Variants in AKR1E2 observed in about 807,000 individuals in gnomAD.
AKR1E2 encodes the protein 1,5-anhydro-D-fructose reductase.
Under a neutral mutation model 41.9 loss-of-function variants are expected in AKR1E2, and 43 were observed. The observed-to-expected ratio is 1.03, with a 90% CI of 0.80 to 1.32. The LOEUF (loss-of-function observed/expected upper bound fraction) is 1.32, where lower values mean the gene tolerates loss of function less well. Among genes scored for constraint, AKR1E2 ranks in the 40% most tolerant of loss-of-function variants. The pLI is 0.00. For missense variants in AKR1E2, 423 were observed against 396.5 expected (o/e 1.07, Z -0.57); for synonymous variants, 121 against 138.9 (o/e 0.87, Z 0.91).
Position 4,844,682 on chromosome 10 carries a change from T to C in AKR1E2, c.837+2178T>C, listed in dbSNP as rs533648702. 3.7e-4 allele frequency among the ~76,000 whole-genome samples: 57 copies of C among 152,314 alleles called. No homozygotes were observed. In the South Asian group the frequency reaches 0.011, roughly 29 times the overall value. ...CCAAGTCCCCACCAGAGTAGCTAGATACAGAGTGTCGATTGGTGCATTCAC... is the reference window on the plus strand; with the variant it reads ...CCAAGTCCCCACCAGAGTAGCTAGACACAGAGTGTCGATTGGTGCATTCAC... On this transcript the variant is annotated intron_variant, in intron 8 of 9. Coordinates refer to ENST00000298375, the MANE Select transcript of AKR1E2 (RefSeq NM_001040177.3).
At chr10:4,867,711 A>G in the AKR1E2 span, among the ~76,000 whole-genome samples, 1 of 152,202 alleles carries the variant, frequency 6.6e-6, no homozygotes, top group Admixed American at 6.5e-5. Flanking sequence ...TTTAACCCAC[A>G]GTTCTAACAT....
At chr10:4,835,638 T>TTTTG (rs774696118) in intron 3 of AKR1E2, 37 bp from the exon 4 acceptor site, 1 of 1,595,750 alleles carries the variant, frequency 6.3e-7, no homozygotes, top group East Asian at 2.3e-5. Flanking sequence ...TTTTGTTTTG[T>TTTTG]TTTGTTTTCA....
the AKR1E2 span, among the ~76,000 whole-genome samples, chr10:4,863,362 T>C: frequency 6.6e-6 from 1 of 152,016 alleles, no homozygotes; most frequent in South Asian, 2.1e-4. Context: ...GAATGACTAC[T>C]GGGTACATAA....
intron 6 of AKR1E2, among the ~76,000 whole-genome samples, chr10:4,841,054 C>T (rs1015039829): frequency 6.6e-6 from 1 of 152,168 alleles, no homozygotes; most frequent in African/African-American, 2.4e-5. Flanking sequence ...GCTGGAGAGT[C>T]TCTAGAAGGC....
chr10:4,854,719 T>A, the AKR1E2 span, among the ~76,000 whole-genome samples: 1 of 152,004 alleles, frequency 6.6e-6, no homozygotes, highest in Non-Finnish European at 1.5e-5. Context: ...TATACCCAGG[T>A]AAAGAATGGG....
chr10:4,832,094 C>T (rs973202446), intron 2 of AKR1E2, among the ~76,000 whole-genome samples: 3 of 112,394 alleles, frequency 2.7e-5, no homozygotes, highest in African/African-American at 9.1e-5. Context: ...TCAAGAATTC[C>T]TTTGCTTTTG....
chr10:4,860,717 G>C, the AKR1E2 span, among the ~76,000 whole-genome samples: 5 of 152,142 alleles, frequency 3.3e-5, no homozygotes, highest in Admixed American at 1.3e-4. Flanking sequence ...CCCAAACTCT[G>C]TGCTCTCTCT....
rs139745901 is a variant in AKR1E2, at chr10:4,827,972, T to C, written c.39+1609T>C. 3.5e-3 allele frequency among the ~76,000 whole-genome samples: 533 copies of C among 152,376 alleles called. 1 individual carries two copies. Among genetic ancestry groups the C allele is most frequent in the Middle Eastern group, 6.8e-3 (2 of 294 alleles). ...AACAGGTCAAAATATTCTATTTATT[T>C]TTCTTGGACTGCAGGTGCATCAAAT... On this transcript the variant is annotated intron_variant, in intron 1 of 9. Coordinates refer to ENST00000298375, the MANE Select transcript of AKR1E2 (RefSeq NM_001040177.3).
At chr10:4,865,741 A>C in the AKR1E2 span, among the ~76,000 whole-genome samples, 1 of 152,290 alleles carries the variant, frequency 6.6e-6, no homozygotes, top group South Asian at 2.1e-4. Context: ...TAAGTTTCAA[A>C]ATCTTTAAAA....
chr10:4,860,442 C>T, the AKR1E2 span, among the ~76,000 whole-genome samples: 3 of 152,186 alleles, frequency 2.0e-5, no homozygotes, highest in African/African-American at 7.2e-5. Flanking sequence ...ACTCTTCATA[C>T]TCTCTCTGAG....
At chr10:4,873,209 C>T in the AKR1E2 span, among the ~76,000 whole-genome samples, 1 of 152,188 alleles carries the variant, frequency 6.6e-6, no homozygotes, top group African/African-American at 2.4e-5. Context: ...AGTTTCTCTA[C>T]ACAGGCTCTC....
downstream of AKR1E2, among the ~76,000 whole-genome samples, chr10:4,848,377 G>A (rs1160400268): frequency 1.3e-5 from 2 of 152,226 alleles, no homozygotes; most frequent in African/African-American, 2.4e-5. Context: ...TGGTGTTCAC[G>A]CCCAGGCGTT....
chr10:4,859,860 T>G, the AKR1E2 span, among the ~76,000 whole-genome samples: 4 of 152,208 alleles, frequency 2.6e-5, no homozygotes, highest in Admixed American at 6.5e-5. Flanking sequence ...AATTTTGTGG[T>G]GTCTCCCTTA....
downstream of AKR1E2, among the ~76,000 whole-genome samples, chr10:4,848,334 G>C (rs1272590230): frequency 6.6e-6 from 1 of 152,234 alleles, no homozygotes; most frequent in Non-Finnish European, 1.5e-5. Context: ...AGCCTGTTTA[G>C]ATTCATGTAT....
the AKR1E2 span, among the ~76,000 whole-genome samples, chr10:4,855,842 C>T: frequency 4.6e-5 from 7 of 152,078 alleles, no homozygotes; most frequent in African/African-American, 1.7e-4. Context: ...TTGCTAAATG[C>T]TTTAAGGGCA....
At position 4,848,062 on chromosome 10, in the gene AKR1E2, A is replaced by G. The variant is rs1035604983; in HGVS notation, c.*532A>G. On this transcript the variant is annotated 3_prime_UTR_variant, in exon 10 of 10. Coordinates refer to ENST00000298375, the MANE Select transcript of AKR1E2 (RefSeq NM_001040177.3). ...AAAGAGGCTTTTTTCTTCCTTAAAA[A>G]TCTGAATTTTAATTTCTTTTTTTTT... 1 of 147,110 alleles carries G rather than the reference A, an allele frequency of 6.8e-6. No homozygotes were observed. The highest frequency in any genetic ancestry group is 2.5e-5 in the African/African-American group (1 of 40,466). 9.1% of individuals were successfully genotyped at this position (147,110 alleles called of 1,614,324 possible).
At chr10:4,831,051 A>ATATCCCCC (rs1248007702) in intron 2 of AKR1E2, among the ~76,000 whole-genome samples, 3 of 152,250 alleles carry the variant, frequency 2.0e-5, no homozygotes, top group African/African-American at 7.2e-5. Context: ...GAGTACACAG[A>ATATCCCCC]TATCCCCCAA....
chr10:4,855,249 G>A, the AKR1E2 span, among the ~76,000 whole-genome samples: 1 of 152,192 alleles, frequency 6.6e-6, no homozygotes, highest in African/African-American at 2.4e-5. Flanking sequence ...TTTGTAAAGT[G>A]TTGATTAATG....
chr10:4,825,510 G>A, upstream of AKR1E2, among the ~76,000 whole-genome samples: 1 of 152,232 alleles, frequency 6.6e-6, no homozygotes, highest in South Asian at 2.1e-4. Context: ...AAGCAAGGAC[G>A]CTCCCCTCTA....
Sources: allele counts gnomAD v4.1 joint callset (sites outside exome capture counted in the v4.1 genomes callset), GRCh38; gene constraint gnomAD v4.1.1; transcripts MANE v1.5; gene names NCBI Gene and HGNC (gene_info 2026-07-23, HGNC 2026-07-21).